EPHB4: variants seen among roughly 807,000 people sequenced by gnomAD.
The protein encoded by EPHB4 is ephrin type-B receptor 4.
A neutral mutation model predicts 110.6 loss-of-function variants in EPHB4; 50 were observed. The ratio of observed to expected loss-of-function variants is 0.45; its 90% CI spans 0.36 to 0.57. EPHB4 has a LOEUF of 0.57. EPHB4 is among the 20% of genes least tolerant of loss of function. EPHB4 has a pLI of 0.00. For synonymous variants in EPHB4, 592 were observed against 578.4 expected (o/e 1.02, Z -0.34); for missense variants, 1,128 against 1,382.1 (o/e 0.82, Z 2.91).
Position 100,804,308 on chromosome 7 carries a change from CTTTTTTTTTTTTT to C in EPHB4, c.2835-731_2835-719del, listed in dbSNP as rs11338293. Among the ~76,000 whole-genome samples the C allele has an allele frequency of 3.0e-3, 213 of 71,630 alleles. 1 individual carries two copies. In the Middle Eastern group the frequency reaches 0.036, roughly 12 times the overall value. 47.0% of individuals were successfully genotyped at this position (71,630 alleles called of 152,430 possible). ...GAGCCACCACCTGGCCTTCACATTT[CTTTTTTTTTTTTT>C]TTTTTTTTTTTGAGATGGAATTTCA... On this transcript the variant is annotated intron_variant, in intron 16 of 16. Transcript: ENST00000358173.
rs930686081 is a variant in EPHB4, at chr7:100,813,826, C to T, written c.1691+93G>A. 5.0e-6 allele frequency: 8 copies of T among 1,603,376 alleles called. No individual in the cohort carries two copies. The African/African-American group carries it at 6.7e-5, about 13-fold the overall frequency. ...GGAGAAGATTTCAAGTAAAAAGAGG[C>T]TGGGGACAGCCAGAAAGGCTTGTCC... is the stretch of plus-strand genomic sequence containing the variant. On this transcript the variant is annotated intron_variant, in intron 9 of 16. Transcript: ENST00000358173.
rs1812740224 is a variant in EPHB4, at chr7:100,803,388, G to A, written c.*73C>T. On this transcript the variant is annotated 3_prime_UTR_variant, in exon 17 of 17. Transcript: ENST00000358173. ...GCAATCCAGCGGGGCACAGGGCTGGGGGCCTCTGTGAGTCCCCACTCTGCC... is the reference window on the plus strand; with the variant it reads ...GCAATCCAGCGGGGCACAGGGCTGGAGGCCTCTGTGAGTCCCCACTCTGCC... The A allele has an allele frequency of 7.0e-7, 1 of 1,423,916 alleles. No individual in the cohort carries two copies. Among genetic ancestry groups the A allele is most frequent in the Non-Finnish European group, 9.3e-7 (1 of 1,071,550 alleles). The allele number at this position is 1,423,916 out of a possible 1,614,324, so 88.2% of individuals were successfully genotyped here. A position where few individuals can be genotyped will look rare whatever the true frequency, so the allele number is the denominator to read the frequency against.
At chr7:100,814,065 G>A (rs917606440) in intron 8 of EPHB4, 44 bp from the exon 9 acceptor site, 1 of 1,603,456 alleles carries the variant, frequency 6.2e-7, no homozygotes. Context: ...TGATGGTCCT[G>A]TAGGAGGCCC....
In EPHB4 at chr7:100,803,468, T is replaced by G; in HGVS notation, c.2957A>C (p.Gln986Pro). ...GTGGGGAGTTCCTGCAGGTCAGTAC[T>G]GCGGGGCCGGTCCTCCTGTCCCACC... ...TPGGTGGPAP[Q>P]Y The change falls in exon 17 of 17, where the codon CAG becomes CCG. Residue 986 changes from glutamine (Q) to proline (P), a missense_variant. This residue lies in a region of EPHB4 where 209 missense variants were observed against 240.5 expected (regional missense o/e 0.87). Transcript: ENST00000358173. The G allele has an allele frequency of 6.4e-7, 1 of 1,573,166 alleles. No homozygotes were observed. The highest frequency in any genetic ancestry group is 8.6e-7 in the Non-Finnish European group (1 of 1,156,266).
At chr7:100,824,596 C>T (rs750639986) in intron 1 of EPHB4, 1 of 305,094 alleles carries the variant, frequency 3.3e-6, no homozygotes, top group African/African-American at 2.2e-5. Context: ...GAGAGCTGCG[C>T]CCTGGTCCTG....
intron 4 of EPHB4, among the ~76,000 whole-genome samples, chr7:100,821,689 G>C (rs1028188655): frequency 6.6e-6 from 1 of 150,450 alleles, no homozygotes; most frequent in Non-Finnish European, 1.5e-5. Flanking sequence ...GGCTGATCTC[G>C]AACTCCTGGG....
At chr7:100,814,309 C>T (rs929223565) in intron 8 of EPHB4, among the ~76,000 whole-genome samples, 32 of 152,210 alleles carry the variant, frequency 2.1e-4, no homozygotes, top group African/African-American at 7.7e-4. Context: ...GACGCAGTCT[C>T]ACTCTGTCGC....
chr7:100,813,295 CT>C, intron 10 of EPHB4, 87 bp from the exon 11 acceptor site: 1 of 966,146 alleles, frequency 1.0e-6, no homozygotes, highest in South Asian at 1.7e-5. Flanking sequence ...CCCCAAACCC[CT>C]GTCTCCGTGG....
intron 6 of EPHB4, 69 bp from the exon 7 acceptor site, chr7:100,818,713 T>C (rs1279030365): frequency 7.3e-6 from 11 of 1,507,074 alleles, no homozygotes; most frequent in Non-Finnish European, 9.7e-6. Context: ...AAAAAAATTT[T>C]TTTTTTCGAG....
chr7:100,803,416 G>T lies in EPHB4; in HGVS notation c.*45C>A. ...CCTCTGTGAGTCCCCACTCTGCCCCGGAAAATGGGGAGGCGGTGTCCCTGG... is the reference window on the plus strand; with the variant it reads ...CCTCTGTGAGTCCCCACTCTGCCCCTGAAAATGGGGAGGCGGTGTCCCTGG... On this transcript the variant is annotated 3_prime_UTR_variant, in exon 17 of 17. Coordinates refer to ENST00000358173, the MANE Select transcript of EPHB4 (RefSeq NM_004444.5). 1 of 1,482,224 alleles carries T rather than the reference G, an allele frequency of 6.7e-7. No homozygotes were observed. The highest frequency in any genetic ancestry group is 9.1e-7 in the Non-Finnish European group (1 of 1,101,062). The allele number at this position is 1,482,224 out of a possible 1,614,324, so 91.8% of individuals were successfully genotyped here.
chr7:100,815,998 A>C (rs570676948), intron 8 of EPHB4, among the ~76,000 whole-genome samples: 1 of 151,858 alleles, frequency 6.6e-6, no homozygotes, highest in East Asian at 2.0e-4. Context: ...TAAAAAAAAG[A>C]AAAAGTTAGG....
Position 100,805,686 on chromosome 7 carries a change from A to G in EPHB4, c.2493T>C (p.Asn831=). The G allele has an allele frequency of 6.7e-7, 1 of 1,488,302 alleles. No individual in the cohort carries two copies. The highest frequency in any genetic ancestry group is 1.4e-5 in the South Asian group (1 of 69,498). 92.2% of individuals were successfully genotyped at this position (1,488,302 alleles called of 1,614,324 possible). A position where few individuals can be genotyped will look rare whatever the true frequency, so the allele number is the denominator to read the frequency against. ...YWDMSNQDVI[N]AIEQDYRLPP... is the part of the protein sequence containing the mutation. ...GCAGCCGGTAGTCCTGTTCAATGGCATTGATCACCTGGAAAGAGGGGAAGA... is the reference window on the plus strand; with the variant it reads ...GCAGCCGGTAGTCCTGTTCAATGGCGTTGATCACCTGGAAAGAGGGGAAGA... Residue 831 remains asparagine, a synonymous_variant, in exon 15 of 17, where the codon AAT becomes AAC. Coordinates refer to ENST00000358173, the MANE Select transcript of EPHB4 (RefSeq NM_004444.5).
Position 100,805,572 on chromosome 7 carries a change from C to T in EPHB4, c.2607G>A (p.Gln869=). The change falls in exon 15 of 17, where the codon CAG becomes CAA. Residue 869 remains glutamine (Q), a synonymous_variant. Coordinates refer to ENST00000358173, the MANE Select transcript of EPHB4 (RefSeq NM_004444.5). Reference sequence around the variant, plus strand: ...TCATCTTGTCCAGGGCGCTGACCACCTGGGGGAAGCGGGGCCGGGCATTCC... The same window carrying T: ...TCATCTTGTCCAGGGCGCTGACCACTTGGGGGAAGCGGGGCCGGGCATTCC... ...KDRNARPRFP[Q]VVSALDKMIR... 6.5e-7 allele frequency: 1 copy of T among 1,546,106 alleles called. No homozygotes were observed. The highest frequency in any genetic ancestry group is 8.7e-7 in the Non-Finnish European group (1 of 1,147,594).
intron 2 of EPHB4, 104 bp downstream of exon 2, chr7:100,824,099 G>A (rs1439760207): frequency 1.5e-5 from 23 of 1,548,676 alleles, no homozygotes; most frequent in East Asian, 2.2e-5. Context: ...GCTGTCATCT[G>A]GGGGGACAGG....
At chr7:100,804,810 C>A (rs1253199077) in intron 16 of EPHB4, among the ~76,000 whole-genome samples, 1 of 152,184 alleles carries the variant, frequency 6.6e-6, no homozygotes, top group Non-Finnish European at 1.5e-5. Flanking sequence ...CCAATCTTCT[C>A]CTTTTATGGT....
intron 7 of EPHB4, 141 bp downstream of exon 7, chr7:100,818,379 A>G (rs1334025495): frequency 7.7e-7 from 1 of 1,294,094 alleles, no homozygotes; most frequent in African/African-American, 1.5e-5. Flanking sequence ...CAGACAGGCC[A>G]AGGGGCTTAC....
chr7:100,817,082 CA>C (rs35304729), intron 8 of EPHB4, 109 bp downstream of exon 8: 32,763 of 773,902 alleles, frequency 0.042, 2 homozygotes, highest in Middle Eastern at 0.07. Flanking sequence ...GACTCCATCT[CA>C]AAAAAAAAAA....
Position 100,809,920 on chromosome 7 carries a change from C to T in EPHB4, c.2119-2340G>A, listed in dbSNP as rs562245730. 2.6e-5 allele frequency among the ~76,000 whole-genome samples: 4 copies of T among 152,264 alleles called. No individual in the cohort carries two copies. In the East Asian group the frequency reaches 5.8e-4, roughly 22 times the overall value. Reference sequence around the variant, plus strand: ...CTTGAGGCCAGGGGTTTCAGATCAGCCTGGCCAACATGGCGAAGCCCTGTC... The same window carrying T: ...CTTGAGGCCAGGGGTTTCAGATCAGTCTGGCCAACATGGCGAAGCCCTGTC... On this transcript the variant is annotated intron_variant, in intron 12 of 16. Transcript: ENST00000358173.
Position 100,813,171 on chromosome 7 carries a change from G to A in EPHB4, c.1794C>T (p.Asp598=). 6.2e-7 allele frequency: 1 copy of A among 1,607,866 alleles called. No homozygotes were observed. Among genetic ancestry groups the A allele is most frequent in the Non-Finnish European group, 8.5e-7 (1 of 1,180,002 alleles). Residue 598 remains aspartate, a synonymous_variant, in exon 11 of 17, where the codon GAC becomes GAT. Coordinates refer to ENST00000358173, the MANE Select transcript of EPHB4 (RefSeq NM_004444.5). ...KVYIDPFTYE[D]PNEAVREFAK... is the part of the protein sequence containing the mutation. ...CAAATTCCCTCACAGCCTCATTAGG[G>A]TCTTCATAAGTGAAGGGGTCGATGT...
Sources: gnomAD v4.1 joint callset for allele counts (sites outside exome capture counted in the v4.1 genomes callset) on GRCh38, gnomAD v4.1.1 for gene constraint, gnomAD v4.1.1 regional missense constraint, MANE v1.5 for transcripts, NCBI Gene and HGNC (gene_info 2026-07-23, HGNC 2026-07-21) for gene names.